The following CTRB2 variants were observed in gnomAD, a reference collection of about 807,000 sequenced individuals.
CTRB2 encodes chymotrypsinogen B2, also known as chymotrypsin B2.
In CTRB2, 9 loss-of-function variants were observed where a neutral mutation model predicts 19.3. That is an observed-to-expected ratio of 0.47 (90% CI 0.28 to 0.81). The LOEUF is 0.81. Ranked by LOEUF, CTRB2 falls within the 40% of genes least tolerant of loss-of-function variation. CTRB2 has a pLI of 0.11. For missense variants in CTRB2, 210 were observed against 269.7 expected (o/e 0.78, Z 1.55); for synonymous variants, 98 against 117.3 (o/e 0.84, Z 1.06).
rs751430556 is a variant in CTRB2, at chr16:75,204,169, C to T, written c.784G>A (p.Ala262Thr). Residue 262 changes from alanine to threonine, a missense_variant, in exon 7 of 7, where the codon GCC becomes ACC. This residue lies in a region of CTRB2 where 120 missense variants were observed against 90.8 expected (regional missense o/e 1.32). Coordinates refer to ENST00000303037, the MANE Select transcript of CTRB2 (RefSeq NM_001025200.4). ...TGGCAGGAGCTGCGGGCTCAGTTGG[C>T]GGCCAGGATCTTCTGCACCCAGGGT... ...LIPWVQKILA[A>T]N The T allele has an allele frequency of 1.1e-5, 18 of 1,613,944 alleles. No individual in the cohort carries two copies. Among genetic ancestry groups the T allele is most frequent in the African/African-American group, 2.7e-5 (2 of 74,894 alleles).
intron 6 of CTRB2, 181 bp downstream of exon 6, chr16:75,204,592 G>A (rs561724731): frequency 3.1e-6 from 4 of 1,275,716 alleles, no homozygotes; most frequent in South Asian, 1.5e-5. Flanking sequence ...GAAGTCCCCA[G>A]GGGCAGCCTC....
intron 5 of CTRB2, 50 bp from the exon 6 acceptor site, chr16:75,204,956 T>C (rs2038876882): frequency 4.7e-6 from 3 of 636,466 alleles, no homozygotes; most frequent in Non-Finnish European, 7.4e-6. Context: ...CAGCCAAGAG[T>C]GGAGGGAGAG....
intron 1 of CTRB2, 129 bp downstream of exon 1, chr16:75,206,961 G>T (rs1248082406): frequency 4.4e-5 from 39 of 886,746 alleles, no homozygotes; most frequent in Non-Finnish European, 6.8e-5. Flanking sequence ...GATGGAGCCG[G>T]TGACTCGCCC....
intron 1 of CTRB2, 123 bp from the exon 2 acceptor site, chr16:75,206,316 C>G: frequency 1.9e-6 from 2 of 1,077,910 alleles, no homozygotes; most frequent in East Asian, 2.6e-5. Context: ...ATCCCCTTCT[C>G]TGAGAAGTTG....
chr16:75,204,935 C>G, intron 5 of CTRB2, 29 bp from the exon 6 acceptor site: 1 of 806,812 alleles, frequency 1.2e-6, no homozygotes, highest in Non-Finnish European at 1.8e-6. Flanking sequence ...GTCAGGGCCC[C>G]TGGGCTCACT....
Position 75,204,327 on chromosome 16 carries a change from A to C in CTRB2, c.631-5T>G. 1 of 1,613,592 alleles carries C rather than the reference A, an allele frequency of 6.2e-7. No individual in the cohort carries two copies. Among genetic ancestry groups the C allele is most frequent in the Non-Finnish European group, 8.5e-7 (1 of 1,179,818 alleles). On this transcript the variant is annotated splice_region_variant and splice_polypyrimidine_tract_variant and intron_variant, in intron 6 of 6. Transcript: ENST00000303037. ...CAGGGGGCCTCCAGAGTCACCCTGCAGGAAGGAGAGGAAGTATCTCTAGGC... is the reference window on the plus strand; with the variant it reads ...CAGGGGGCCTCCAGAGTCACCCTGCCGGAAGGAGAGGAAGTATCTCTAGGC...
intron 1 of CTRB2, chr16:75,206,431 C>T (rs2038893105): frequency 8.7e-6 from 5 of 572,784 alleles, no homozygotes; most frequent in East Asian, 5.8e-5. Context: ...CACCTCAGTT[C>T]GGAGAAGTCA....
In CTRB2 at chr16:75,206,151, G is replaced by C. The variant is rs758057515; in HGVS notation, c.95C>G (p.Ser32Cys). 2 of 1,551,448 alleles carry C rather than the reference G, an allele frequency of 1.3e-6. No individual in the cohort carries two copies. The highest frequency in any genetic ancestry group is 1.7e-6 in the Non-Finnish European group (2 of 1,147,022). The change falls in exon 2 of 7, where the codon TCC (serine) becomes TGC (cysteine). Residue 32 changes from serine to cysteine, a missense_variant. By Grantham distance (112) the Ser-to-Cys change is moderately radical (BLOSUM62 -1). Transcript: ENST00000303037. ...GGCGTCCTCCCCATTCACGATCCTG[G>C]ACAGGCCGCTGAGCACAGGGTGGAT... ...PAIHPVLSGLSRIVNGEDAVP... is the reference protein window; with the variant it reads ...PAIHPVLSGLCRIVNGEDAVP...
chr16:75,204,424 G>T, intron 6 of CTRB2, 102 bp from the exon 7 acceptor site: 2 of 1,190,438 alleles, frequency 1.7e-6, no homozygotes, highest in Non-Finnish European at 2.4e-6. Context: ...GAAATGGTAA[G>T]CATGGGCATA....
rs916926915 is a variant in CTRB2, at chr16:75,206,073, T to C, written c.156+17A>G. The C allele has an allele frequency of 1.3e-6, 2 of 1,482,000 alleles. No individual in the cohort carries two copies. Among genetic ancestry groups the C allele is most frequent in the Non-Finnish European group, 1.8e-6 (2 of 1,101,294 alleles). 91.8% of individuals were successfully genotyped at this position (1,482,000 alleles called of 1,614,324 possible). ...GCCCCTACCCAGGGTGCCCCCCACC[T>C]TGCAGAACCCCCTCACCTGCAGGGA... On this transcript the variant is annotated intron_variant, in intron 2 of 6. Coordinates refer to ENST00000303037, the MANE Select transcript of CTRB2 (RefSeq NM_001025200.4).
In CTRB2 at chr16:75,204,663, G is replaced by C; in HGVS notation, c.630+110C>G. ...GTGACCCCAAGGCCTGGCCCTCACTGGGCCCCAGGAGGGTGTGGGGTTAGT... is the reference window on the plus strand; with the variant it reads ...GTGACCCCAAGGCCTGGCCCTCACTCGGCCCCAGGAGGGTGTGGGGTTAGT... On this transcript the variant is annotated intron_variant, in intron 6 of 6. Transcript: ENST00000303037. The C allele has an allele frequency of 2.6e-6, 4 of 1,541,568 alleles. No individual in the cohort carries two copies. In the East Asian group the frequency reaches 9.8e-5, roughly 38 times the overall value.
intron 1 of CTRB2, 198 bp downstream of exon 1, chr16:75,206,892 C>T: frequency 3.3e-6 from 2 of 598,180 alleles, no homozygotes; most frequent in Non-Finnish European, 3.1e-6. Flanking sequence ...ATCTCCTGAG[C>T]TCAGAGGCGG....
rs575225975 is a variant in CTRB2 at position 75,207,064 on chromosome 16, C to T, written c.52+26G>A. 126 of 1,549,752 alleles carry T rather than the reference C, an allele frequency of 8.1e-5. 1 individual carries two copies. Among genetic ancestry groups the T allele is most frequent in the South Asian group, 2.5e-4 (21 of 84,008 alleles). On this transcript the variant is annotated intron_variant, in intron 1 of 6. Coordinates refer to ENST00000303037, the MANE Select transcript of CTRB2 (RefSeq NM_001025200.4). ...CTGGGAGTGAGAGGAGAAAACCCTT[C>T]GGCCTCCGCAGGGCCTGGCACTCAC...
chr16:75,204,441 G>C (rs1291639588), intron 6 of CTRB2, 119 bp from the exon 7 acceptor site: 7 of 1,038,886 alleles, frequency 6.7e-6, no homozygotes, highest in Non-Finnish European at 9.7e-6. Flanking sequence ...CATAGGGGCT[G>C]TGCCGGGGTC....
chr16:75,206,511 A>G lies in CTRB2; in HGVS notation c.53-318T>C, dbSNP rs539125409. On this transcript the variant is annotated intron_variant, in intron 1 of 6. Coordinates refer to ENST00000303037, the MANE Select transcript of CTRB2 (RefSeq NM_001025200.4). Reference sequence around the variant, plus strand: ...GGGAGGCCAGACTCTGTGGGTTTGAACCTGGCTCCCTCCCTGCCCAGCTAA... The same window carrying G: ...GGGAGGCCAGACTCTGTGGGTTTGAGCCTGGCTCCCTCCCTGCCCAGCTAA... 1,096 of 443,822 alleles carry G rather than the reference A, an allele frequency of 2.5e-3. 4 individuals carry two copies. The highest frequency in any genetic ancestry group is 3.7e-3 in the Non-Finnish European group (921 of 248,990). The allele number at this position is 443,822 out of a possible 1,614,324, so 27.5% of individuals were successfully genotyped here.
chr16:75,206,263 T>TC (rs2151362972), intron 1 of CTRB2, 70 bp from the exon 2 acceptor site: 1 of 1,453,876 alleles, frequency 6.9e-7, no homozygotes, highest in South Asian at 1.3e-5. Flanking sequence ...CTCCTCTCAC[T>TC]CCCAACTCTT....
At position 75,206,989 on chromosome 16, in the gene CTRB2, C is replaced by T. The variant is rs534214830; in HGVS notation, c.52+101G>A. 5.2e-6 allele frequency: 6 copies of T among 1,161,498 alleles called. No homozygotes were observed. In the African/African-American group the frequency reaches 6.1e-5, roughly 12 times the overall value. 71.9% of individuals were successfully genotyped at this position (1,161,498 alleles called of 1,614,324 possible). On this transcript the variant is annotated intron_variant, in intron 1 of 6. Transcript: ENST00000303037. ...ACTCGCCCAGGCCCACACTGCGGTG[C>T]ACAGCTGAACTGGGAGCTGGGACCC... is the stretch of plus-strand genomic sequence containing the variant.
chr16:75,204,350 G>C (rs2038869411), intron 6 of CTRB2, 28 bp from the exon 7 acceptor site: 16 of 1,610,746 alleles, frequency 9.9e-6, no homozygotes, highest in Non-Finnish European at 1.4e-5. Flanking sequence ...AGTATCTCTA[G>C]GCCTGAAAGG....
At position 75,206,213 on chromosome 16, in the gene CTRB2, G is replaced by C. The variant is rs764804988; in HGVS notation, c.53-20C>G. The C allele has an allele frequency of 1.9e-6, 3 of 1,552,294 alleles. No homozygotes were observed. Among genetic ancestry groups the C allele is most frequent in the Non-Finnish European group, 2.6e-6 (3 of 1,147,194 alleles). On this transcript the variant is annotated intron_variant, in intron 1 of 6. Coordinates refer to ENST00000303037, the MANE Select transcript of CTRB2 (RefSeq NM_001025200.4). ...CGCAGCCTGGGGGCGGGAGTGGGCTGAGGGGTGGGTACCACCCACCCAGGT... is the reference window on the plus strand; with the variant it reads ...CGCAGCCTGGGGGCGGGAGTGGGCTCAGGGGTGGGTACCACCCACCCAGGT...
Sources: gnomAD v4.1 joint callset for allele counts on GRCh38, gnomAD v4.1.1 for gene constraint, gnomAD v4.1.1 regional missense constraint, MANE v1.5 for transcripts, NCBI Gene and HGNC (gene_info 2026-07-23, HGNC 2026-07-21) for gene names.